Variants in RNF149 observed in about 807,000 individuals in gnomAD.
RNF149 encodes E3 ubiquitin-protein ligase RNF149.
Under a neutral mutation model 39.0 loss-of-function variants are expected in RNF149, and 21 were observed. The ratio of observed to expected loss-of-function variants is 0.54; its 90% CI spans 0.38 to 0.77. The LOEUF (loss-of-function observed/expected upper bound fraction) is 0.77. RNF149 is among the 30% of genes least tolerant of loss of function. The probability of loss-of-function intolerance (pLI) is 0.00; values close to 1 mark genes in which losing one functional copy is unlikely to be tolerated. For missense variants in RNF149, 493 were observed against 534.9 expected, an observed-to-expected ratio of 0.92 and a Z score of 0.77; for synonymous variants, 209 against 213.6, an observed-to-expected ratio of 0.98 and a Z score of 0.19.
chr2:101,274,409 C>T (rs1682253845), downstream of RNF149, among the ~76,000 whole-genome samples: 1 of 152,238 alleles, frequency 6.6e-6, no homozygotes, highest in African/African-American at 2.4e-5. Context: ...ACCACTCTGA[C>T]ACGTAAACCC....
chr2:101,281,834 G>A (rs1179960605), intron 6 of RNF149, 25 bp downstream of exon 6: 3 of 1,612,242 alleles, frequency 1.9e-6, no homozygotes, highest in Admixed American at 3.3e-5. Flanking sequence ...ACATTCTATT[G>A]TTTTATAATT....
rs115126180 is a variant in RNF149, at chr2:101,300,427, A to G, written c.461-5246T>C. 6.3e-3 allele frequency among the ~76,000 whole-genome samples: 953 copies of G among 152,354 alleles called. 4 individuals are homozygous for G. The highest frequency in any genetic ancestry group is 0.022 in the African/African-American group (910 of 41,592). On this transcript the variant is annotated intron_variant, in intron 1 of 6. Coordinates refer to ENST00000295317, the MANE Select transcript of RNF149 (RefSeq NM_173647.4). ...CGCAACAAGTATCAGGACACCCTGC[A>G]CAGAAAACACTTGCAATATCAATCT...
intron 6 of RNF149, among the ~76,000 whole-genome samples, chr2:101,280,090 C>CTT (rs1682513989): frequency 1.3e-5 from 2 of 151,924 alleles, no homozygotes; most frequent in Admixed American, 6.6e-5. Context: ...GTGGGCAAAT[C>CTT]ACTTGAACCC....
At chr2:101,272,363 G>A (rs1451927211), downstream of RNF149, among the ~76,000 whole-genome samples, 2 of 152,040 alleles carry the variant, frequency 1.3e-5, no homozygotes, top group African/African-American at 4.8e-5. Flanking sequence ...CAACTTTGCT[G>A]TACAAAGAGG....
At chr2:101,279,722 T>C (rs1302444099) in intron 6 of RNF149, among the ~76,000 whole-genome samples, 1 of 152,356 alleles carries the variant, frequency 6.6e-6, no homozygotes, top group East Asian at 1.9e-4. Context: ...TGTTCCACAA[T>C]GCAGTCTTTT....
chr2:101,307,470 T>G (rs1683710632), intron 1 of RNF149, among the ~76,000 whole-genome samples: 1 of 152,212 alleles, frequency 6.6e-6, no homozygotes, highest in African/African-American at 2.4e-5. Flanking sequence ...TGAGCCACTG[T>G]GCCCGGCCCC....
chr2:101,272,014 C>G (rs1404289739), downstream of RNF149, among the ~76,000 whole-genome samples: 2 of 152,144 alleles, frequency 1.3e-5, no homozygotes, highest in Non-Finnish European at 2.9e-5. Flanking sequence ...ATTCCTTAAA[C>G]ATTTTAAGGG....
rs768121586 is a variant in RNF149 at position 101,308,270 on chromosome 2, C to A, written c.319G>T (p.Ala107Ser). 109 of 1,577,194 alleles carry A rather than the reference C, an allele frequency of 6.9e-5. 1 individual carries two copies. The Admixed American group carries it at 1.8e-3, about 27-fold the overall frequency. ...FVPEPGGRGA[A>S]PWVALVARGG... The stretch of plus-strand genomic sequence containing the variant: ...CGAGCCACCAGGGCGACCCAGGGCG[C>A]GGCCCCTCGGCCGCCGGGCTCGGGC... Residue 107 changes from alanine to serine, a missense_variant, in exon 1 of 7, where the codon GCG (alanine) becomes TCG (serine). Physicochemically the swap from Ala to Ser is moderately conservative, Grantham distance 99. Transcript: ENST00000295317.
At position 101,308,675 on chromosome 2, in the gene RNF149, G is replaced by C. The variant is rs1456325511; in HGVS notation, c.-87C>G. On this transcript the variant is annotated 5_prime_UTR_variant, in exon 1 of 7. Coordinates refer to ENST00000295317, the MANE Select transcript of RNF149 (RefSeq NM_173647.4). ...GAGCAGAGAGAAGCGGACACCCACC[G>C]CCGCCCTGGAAGACTGAGGCGGGGT... is the stretch of plus-strand genomic sequence containing the variant. The C allele has an allele frequency of 2.4e-6, 3 of 1,246,456 alleles. No homozygotes were observed. Among genetic ancestry groups the C allele is most frequent in the Admixed American group, 3.3e-5 (1 of 30,594 alleles). The allele number at this position is 1,246,456 out of a possible 1,614,324, so 77.2% of individuals were successfully genotyped here. A position where few individuals can be genotyped will look rare whatever the true frequency, so the allele number is the denominator to read the frequency against.
chr2:101,298,924 T>C (rs1683344594), intron 1 of RNF149, among the ~76,000 whole-genome samples: 1 of 152,170 alleles, frequency 6.6e-6, no homozygotes, highest in South Asian at 2.1e-4. Flanking sequence ...CCAAGGTATG[T>C]AGATCACTTG....
Position 101,308,267 on chromosome 2 carries a change from G to A in RNF149, c.322C>T (p.Pro108Ser). Reference protein sequence around the residue: ...VPEPGGRGAAPWVALVARGGC... With the variant: ...VPEPGGRGAASWVALVARGGC... ...CCACGAGCCACCAGGGCGACCCAGG[G>A]CGCGGCCCCTCGGCCGCCGGGCTCG... Residue 108 changes from proline (P) to serine (S), a missense_variant, in exon 1 of 7, where the codon CCC becomes TCC. Transcript: ENST00000295317. 1 of 1,583,142 alleles carries A rather than the reference G, an allele frequency of 6.3e-7. No homozygotes were observed. Among genetic ancestry groups the A allele is most frequent in the Non-Finnish European group, 8.6e-7 (1 of 1,166,748 alleles).
Position 101,308,683 on chromosome 2 carries a change from G to A in RNF149, c.-95C>T, listed in dbSNP as rs1327020628. ...AGAAGCGGACACCCACCGCCGCCCTGGAAGACTGAGGCGGGGTCGGGGCCG... is the reference window on the plus strand; with the variant it reads ...AGAAGCGGACACCCACCGCCGCCCTAGAAGACTGAGGCGGGGTCGGGGCCG... On this transcript the variant is annotated 5_prime_UTR_variant, in exon 1 of 7. Transcript: ENST00000295317. The A allele has an allele frequency of 6.9e-6, 8 of 1,160,194 alleles. No homozygotes were observed. Among genetic ancestry groups the A allele is most frequent in the Admixed American group, 3.3e-5 (1 of 29,964 alleles). The allele number at this position is 1,160,194 out of a possible 1,614,324, so 71.9% of individuals were successfully genotyped here. A position where few individuals can be genotyped will look rare whatever the true frequency, so the allele number is the denominator to read the frequency against.
chr2:101,293,578 T>C (rs961052201), intron 3 of RNF149, among the ~76,000 whole-genome samples: 1 of 152,340 alleles, frequency 6.6e-6, no homozygotes, highest in East Asian at 1.9e-4. Context: ...AAAACATCTT[T>C]TCCCCCCTCC....
At chr2:101,307,601 AG>A (rs1683718456) in intron 1 of RNF149, among the ~76,000 whole-genome samples, 1 of 152,238 alleles carries the variant, frequency 6.6e-6, no homozygotes, top group Non-Finnish European at 1.5e-5. Context: ...CAGAAAGCAC[AG>A]GTCAAGGCTT....
chr2:101,289,879 T>A (rs542303406), intron 3 of RNF149, among the ~76,000 whole-genome samples: 1 of 152,170 alleles, frequency 6.6e-6, no homozygotes, highest in Admixed American at 6.5e-5. Flanking sequence ...TATCAAAGAC[T>A]GTATTAAAAT....
At chr2:101,287,304 C>T (rs1430456871) in intron 4 of RNF149, among the ~76,000 whole-genome samples, 1 of 151,982 alleles carries the variant, frequency 6.6e-6, no homozygotes, top group African/African-American at 2.4e-5. Flanking sequence ...GTCTGGGCAA[C>T]AAGAACGAAA....
At chr2:101,274,721 A>G (rs1216880941), downstream of RNF149, among the ~76,000 whole-genome samples, 1 of 152,238 alleles carries the variant, frequency 6.6e-6, no homozygotes, top group Non-Finnish European at 1.5e-5. Flanking sequence ...CCTTCTTTTT[A>G]AAAGTCAGCT....
intron 1 of RNF149, among the ~76,000 whole-genome samples, chr2:101,307,285 T>C (rs188140428): frequency 2.6e-4 from 39 of 152,264 alleles, no homozygotes; most frequent in Middle Eastern, 3.4e-3. Context: ...TGGGCTCAAG[T>C]GATTCTCCCA....
At chr2:101,297,789 C>A (rs1373891115) in intron 1 of RNF149, among the ~76,000 whole-genome samples, 1 of 152,224 alleles carries the variant, frequency 6.6e-6, no homozygotes, top group African/African-American at 2.4e-5. Flanking sequence ...TCATCACTAT[C>A]TAATTCCATA....
Sources: allele counts gnomAD v4.1 joint callset (sites outside exome capture counted in the v4.1 genomes callset), GRCh38; gene constraint gnomAD v4.1.1; transcripts MANE v1.5; gene names NCBI Gene and HGNC (gene_info 2026-07-23, HGNC 2026-07-21).